Variants in HORMAD2 observed in about 807,000 individuals in gnomAD.
HORMAD2 encodes the protein HORMA domain containing 2.
In HORMAD2, 45 loss-of-function variants were observed where a neutral mutation model predicts 38.8. The observed-to-expected ratio is 1.16, with a 90% CI of 0.91 to 1.49. The LOEUF is 1.49. Ranked by LOEUF, HORMAD2 falls within the 40% of genes most tolerant of loss-of-function variation. The pLI, the probability that HORMAD2 is intolerant of heterozygous loss-of-function variation, is 0.00. For synonymous variants in HORMAD2, 126 were observed against 122.8 expected (o/e 1.03, Z -0.17); for missense variants, 338 against 367.0 (o/e 0.92, Z 0.65).
At chr22:30,181,655 G>C (rs1926723447), downstream of HORMAD2, among the ~76,000 whole-genome samples, 2 of 152,316 alleles carry the variant, frequency 1.3e-5, no homozygotes, top group Non-Finnish European at 2.9e-5. Context: ...ATTTATGAAA[G>C]TCTGTCATAA....
At position 30,111,800 on chromosome 22, in the gene HORMAD2, G is replaced by T. The variant is rs376409124; in HGVS notation, c.299G>T (p.Arg100Leu). 1 of 1,564,422 alleles carries T rather than the reference G, an allele frequency of 6.4e-7. No individual in the cohort carries two copies. The highest frequency in any genetic ancestry group is 2.3e-5 in the East Asian group (1 of 43,070). ...TTTTTTTTCTTTCTCTTGAAGCTAC[G>T]TATGGCAGTACTGACAGTAAGTACA... ...CFDALEKRYL[R>L]MAVLTLYTDP... The change falls in exon 6 of 11, where the codon CGT becomes CTT. Residue 100 changes from arginine to leucine, a missense_variant. Transcript: ENST00000336726.
At chr22:30,141,742 G>A (rs1270410503) in intron 10 of HORMAD2, among the ~76,000 whole-genome samples, 1 of 151,738 alleles carries the variant, frequency 6.6e-6, no homozygotes, top group Non-Finnish European at 1.5e-5. Context: ...TTACAGGCAT[G>A]TGCCACCACC....
At chr22:30,146,755 A>G (rs1924444746) in intron 10 of HORMAD2, among the ~76,000 whole-genome samples, 1 of 152,176 alleles carries the variant, frequency 6.6e-6, no homozygotes, top group Non-Finnish European at 1.5e-5. Flanking sequence ...AGTAAAACTT[A>G]AACTTTTTTG....
rs754848387 is a variant in HORMAD2, at chr22:30,098,992, T to G, written c.192T>G (p.Asp64Glu). Residue 64 changes from aspartate (D) to glutamate (E), a missense_variant and splice_region_variant, in exon 3 of 11, where the codon GAT becomes GAG. By Grantham distance (45) the Asp-to-Glu change is conservative. Coordinates refer to ENST00000336726, the MANE Select transcript of HORMAD2 (RefSeq NM_152510.4). ...PESSYGERHL[D>E]DLSLKILRED... is the part of the protein sequence containing the mutation. ...GCTCTTATGGAGAACGCCATTTGGA[T>G]GGTAAAGTTAAACTAACTAGTCTCT... 6.2e-6 allele frequency: 10 copies of G among 1,606,382 alleles called. No individual in the cohort carries two copies. The Admixed American group carries it at 1.7e-4, about 27-fold the overall frequency.
intron 1 of HORMAD2, among the ~76,000 whole-genome samples, chr22:30,088,440 ATATTAATTTAATC>A (rs1358920400): frequency 1.3e-5 from 2 of 151,460 alleles, no homozygotes; most frequent in Non-Finnish European, 2.9e-5. Context: ...TTCAATGGTA[ATATTAATTTAATC>A]TAGGCCATCC....
chr22:30,150,674 A>G (rs538098829), intron 10 of HORMAD2, among the ~76,000 whole-genome samples: 2 of 152,314 alleles, frequency 1.3e-5, no homozygotes, highest in Admixed American at 1.3e-4. Flanking sequence ...GAGAAGTCCC[A>G]AAATCTGTAT....
intron 10 of HORMAD2, among the ~76,000 whole-genome samples, chr22:30,158,374 T>C (rs1369415187): frequency 6.6e-6 from 1 of 152,194 alleles, no homozygotes; most frequent in Non-Finnish European, 1.5e-5. Context: ...TATTTCTTGA[T>C]TTCACTTGGT....
At chr22:30,199,229 G>A in the HORMAD2 span, among the ~76,000 whole-genome samples, 7 of 152,224 alleles carry the variant, frequency 4.6e-5, no homozygotes, top group African/African-American at 1.4e-4. Context: ...AAACGCAGGC[G>A]TGATCAGTAG....
At chr22:30,194,082 G>A in the HORMAD2 span, among the ~76,000 whole-genome samples, 1 of 152,092 alleles carries the variant, frequency 6.6e-6, no homozygotes, top group Non-Finnish European at 1.5e-5. Context: ...CTCTCAAGAT[G>A]GTTACTTGAG....
chr22:30,200,043 A>G, the HORMAD2 span, among the ~76,000 whole-genome samples: 112 of 152,176 alleles, frequency 7.4e-4, no homozygotes, highest in Non-Finnish European at 1.4e-3. Flanking sequence ...CAGCCTCCCG[A>G]GTAGCTGGAA....
chr22:30,118,903 CCTTA>C lies in HORMAD2; in HGVS notation c.343-72_343-69del, dbSNP rs545884432. 1.6e-3 allele frequency: 1,534 copies of C among 938,010 alleles called. 7 individuals are homozygous for C. Among genetic ancestry groups the C allele is most frequent in the Middle Eastern group, 2.2e-3 (7 of 3,182 alleles). 58.1% of individuals were successfully genotyped at this position (938,010 alleles called of 1,614,324 possible). A position where few individuals can be genotyped will look rare whatever the true frequency, so the allele number is the denominator to read the frequency against. ...ACAGTAGATATACAGTGAAAATGTTCCTTACTTATGATCAGGTAAGATTCTGGAT... is the reference window on the plus strand; with the variant it reads ...ACAGTAGATATACAGTGAAAATGTTCCTTATGATCAGGTAAGATTCTGGAT... On this transcript the variant is annotated intron_variant, in intron 7 of 10. Transcript: ENST00000336726.
chr22:30,100,834 G>A lies in HORMAD2; in HGVS notation c.193+1841G>A, dbSNP rs530201484. On this transcript the variant is annotated intron_variant, in intron 3 of 10. Transcript: ENST00000336726. Reference sequence around the variant, plus strand: ...GCAGCCAACAAACATATGAAAAAAAGCTCATCATCACTGGTCGTTAGAGAG... The same window carrying A: ...GCAGCCAACAAACATATGAAAAAAAACTCATCATCACTGGTCGTTAGAGAG... 5.3e-5 allele frequency among the ~76,000 whole-genome samples: 8 copies of A among 152,286 alleles called. No individual in the cohort carries two copies. The South Asian group carries it at 1.7e-3, about 32-fold the overall frequency.
chr22:30,153,992 A>G (rs1924916999), intron 10 of HORMAD2, among the ~76,000 whole-genome samples: 1 of 152,174 alleles, frequency 6.6e-6, no homozygotes, highest in Admixed American at 6.5e-5. Context: ...TCACCAAAGC[A>G]TCTCTAAAGA....
At chr22:30,179,575 A>G (rs577236528), downstream of HORMAD2, among the ~76,000 whole-genome samples, 11 of 152,304 alleles carry the variant, frequency 7.2e-5, no homozygotes, top group Non-Finnish European at 1.2e-4. Context: ...GGTCCTAAGG[A>G]GCTAATCTGC....
the HORMAD2 span, among the ~76,000 whole-genome samples, chr22:30,195,192 CAAAAA>C: frequency 2.2e-5 from 2 of 89,652 alleles, no homozygotes; most frequent in Non-Finnish European, 4.6e-5. Context: ...GACTCCGTCT[CAAAAA>C]AAAAAAAAAA....
At chr22:30,120,252 T>A (rs540480546) in intron 8 of HORMAD2, among the ~76,000 whole-genome samples, 11 of 152,336 alleles carry the variant, frequency 7.2e-5, no homozygotes, top group Admixed American at 2.6e-4. Flanking sequence ...TTTACTGATG[T>A]GTCCTGGAGG....
chr22:30,084,167 G>A (rs552615335), intron 1 of HORMAD2, among the ~76,000 whole-genome samples: 1 of 152,176 alleles, frequency 6.6e-6, no homozygotes, highest in Non-Finnish European at 1.5e-5. Context: ...CTGAGGCTGG[G>A]TAACTAAAAA....
At chr22:30,172,731 T>C (rs999484601) in intron 10 of HORMAD2, among the ~76,000 whole-genome samples, 1 of 151,948 alleles carries the variant, frequency 6.6e-6, no homozygotes, top group African/African-American at 2.4e-5. Context: ...CTACTAAAAA[T>C]ACAAAAATTA....
At chr22:30,081,099 G>C (rs1314428149) in intron 1 of HORMAD2, 2 of 152,190 alleles carry the variant, frequency 1.3e-5, no homozygotes, top group Non-Finnish European at 2.9e-5. Context: ...TTAGCCAATC[G>C]CCAAAATGTG....
Sources: allele counts gnomAD v4.1 joint callset (sites outside exome capture counted in the v4.1 genomes callset), GRCh38; gene constraint gnomAD v4.1.1; transcripts MANE v1.5; gene names NCBI Gene and HGNC (gene_info 2026-07-23, HGNC 2026-07-21).